The following CASK variants were observed in gnomAD, a reference collection of about 807,000 sequenced individuals.
CASK encodes calcium/calmodulin dependent serine protein kinase.
A neutral mutation model predicts 82.9 loss-of-function variants in CASK; 4 were observed. The observed-to-expected ratio is 0.05, with a 90% CI of 0.02 to 0.11. The LOEUF (loss-of-function observed/expected upper bound fraction) is 0.11. Ranked by LOEUF, CASK falls within the 10% of genes least tolerant of loss-of-function variation. The pLI is 1.00. For synonymous variants in CASK, 259 were observed against 253.5 expected, an observed-to-expected ratio of 1.02 and a Z score of -0.20; for missense variants, 358 against 720.9, an observed-to-expected ratio of 0.50 and a Z score of 5.76.
At chrX:41,701,099 G>C (rs1464019426) in intron 5 of CASK, among the ~76,000 whole-genome samples, 1 of 109,809 alleles carries the variant, frequency 9.1e-6, no homozygotes, top group African/African-American at 3.3e-5. Context: ...GCATCAGGAA[G>C]GAAGGGATGG....
intron 12 of CASK, among the ~76,000 whole-genome samples, chrX:41,595,387 T>G (rs755093121): frequency 1.8e-5 from 2 of 111,054 alleles, no homozygotes; most frequent in African/African-American, 6.5e-5. Flanking sequence ...GAAGATCACT[T>G]AAGCCCAGGA....
intron 2 of CASK, among the ~76,000 whole-genome samples, chrX:41,816,797 C>T (rs1274593374): frequency 9.0e-6 from 1 of 111,639 alleles, no homozygotes; most frequent in East Asian, 2.8e-4. Flanking sequence ...AACCAAACCT[C>T]ACTTAAGACG....
intron 9 of CASK, among the ~76,000 whole-genome samples, chrX:41,628,789 T>A (rs990604348): frequency 8.9e-6 from 1 of 112,159 alleles, no homozygotes; most frequent in African/African-American, 3.2e-5. Flanking sequence ...CAGTAGTGAA[T>A]GTTGAGTTCT....
At chrX:41,726,574 A>T (rs1315759777) in intron 5 of CASK, among the ~76,000 whole-genome samples, 1 of 112,323 alleles carries the variant, frequency 8.9e-6, no homozygotes, top group East Asian at 2.8e-4. Context: ...ACTCTCTATT[A>T]TTGTGGCCGC....
chrX:41,602,201 T>C (rs1156537444), intron 12 of CASK, among the ~76,000 whole-genome samples: 1 of 111,985 alleles, frequency 8.9e-6, no homozygotes, highest in Non-Finnish European at 1.9e-5. Flanking sequence ...TAGATCAATG[T>C]GGAGAAAAGC....
chrX:41,602,632 T>C (rs1417022663), intron 12 of CASK, among the ~76,000 whole-genome samples: 15 of 110,436 alleles, frequency 1.4e-4, no homozygotes, highest in Admixed American at 9.8e-4. Context: ...CAATGGTGAA[T>C]AGAAGTGGGG....
At chrX:41,534,649 T>C (rs2064850848) in intron 24 of CASK, 57 bp downstream of exon 24, 1 of 909,922 alleles carries the variant, frequency 1.1e-6, no homozygotes, top group African/African-American at 1.9e-5. Context: ...ACATAAATTA[T>C]AGAGTTAAAA....
chrX:41,861,016 TACTA>T (rs917358069), intron 1 of CASK, among the ~76,000 whole-genome samples: 3 of 112,416 alleles, frequency 2.7e-5, no homozygotes, highest in African/African-American at 9.7e-5. Flanking sequence ...GACTAGCATT[TACTA>T]ACTCAGTACT....
At chrX:41,522,666 G>C (rs2064653972) in intron 26 of CASK, among the ~76,000 whole-genome samples, 1 of 112,202 alleles carries the variant, frequency 8.9e-6, no homozygotes, top group South Asian at 3.7e-4. Flanking sequence ...AAAACCACTA[G>C]CAGGGTTTAT....
intron 26 of CASK, among the ~76,000 whole-genome samples, chrX:41,523,495 T>C (rs928284110): frequency 3.5e-5 from 4 of 112,813 alleles, no homozygotes; most frequent in African/African-American, 1.3e-4. Context: ...AGCAGACACA[T>C]GGTAAGTACC....
At chrX:41,782,922 A>C (rs571985723) in intron 3 of CASK, among the ~76,000 whole-genome samples, 7 of 111,892 alleles carry the variant, frequency 6.3e-5, no homozygotes, top group African/African-American at 2.3e-4. Flanking sequence ...AGGAGGGTTG[A>C]TCACTTGAGG....
chrX:41,762,866 G>T (rs1295239806), intron 3 of CASK, among the ~76,000 whole-genome samples: 1 of 111,111 alleles, frequency 9.0e-6, no homozygotes, highest in Admixed American at 9.6e-5. Context: ...TGCCTGTAAT[G>T]CCTCTCTCTT....
rs1361914181 is a variant in CASK, at chrX:41,772,477, T to C, written c.278+14701A>G. Among the ~76,000 whole-genome samples the C allele has an allele frequency of 7.4e-5, 8 of 108,513 alleles. No individual in the cohort carries two copies. In the Admixed American group the frequency reaches 8.0e-4, roughly 11 times the overall value. The allele number at this position is 108,513 out of a possible 115,157, so 94.2% of individuals were successfully genotyped here. A position where few individuals can be genotyped will look rare whatever the true frequency, so the allele number is the denominator to read the frequency against. On this transcript the variant is annotated intron_variant, in intron 3 of 26. Coordinates refer to ENST00000378163, the MANE Select transcript of CASK (RefSeq NM_001367721.1). ...AGGCACAAATTACCAGTATCAAGAA[T>C]GAAAAAGAAGACATGACTACAGAAC... is the stretch of plus-strand genomic sequence containing the variant.
intron 5 of CASK, among the ~76,000 whole-genome samples, chrX:41,701,759 TTCACATGCAA>T (rs1275628456): frequency 8.9e-6 from 1 of 112,319 alleles, no homozygotes; most frequent in Admixed American, 9.4e-5. Context: ...CCACTTCAAG[TTCACATGCAA>T]GGGAATGGGA....
intron 18 of CASK, chrX:41,558,716 C>T (rs1490491869): frequency 2.7e-5 from 3 of 110,857 alleles, no homozygotes; most frequent in South Asian, 7.9e-4. Context: ...GCTCAAGACC[C>T]GTTACAACGG....
intron 3 of CASK, among the ~76,000 whole-genome samples, chrX:41,750,759 G>T (rs1228635917): frequency 8.9e-6 from 1 of 112,259 alleles, no homozygotes. Flanking sequence ...GAGGCACAAG[G>T]TATTACTGGC....
At chrX:41,724,442 G>A (rs1323538895) in intron 5 of CASK, among the ~76,000 whole-genome samples, 1 of 112,512 alleles carries the variant, frequency 8.9e-6, no homozygotes, top group Non-Finnish European at 1.9e-5. Flanking sequence ...GTTAAGAGTT[G>A]TAGAACTTTT....
chrX:41,602,443 G>T (rs557883265), intron 12 of CASK, among the ~76,000 whole-genome samples: 6 of 111,140 alleles, frequency 5.4e-5, no homozygotes, highest in African/African-American at 2.0e-4. Context: ...TATTAATCTG[G>T]TATCTTGTGA....
chrX:41,673,852 T>G (rs1478924561), intron 5 of CASK, among the ~76,000 whole-genome samples: 7 of 102,000 alleles, frequency 6.9e-5, no homozygotes, highest in African/African-American at 2.2e-4. Flanking sequence ...TTTTTTTTTT[T>G]GCCTCCCATC....
Sources: allele counts gnomAD v4.1 joint callset (sites outside exome capture counted in the v4.1 genomes callset), GRCh38; gene constraint gnomAD v4.1.1; transcripts MANE v1.5; gene names NCBI Gene and HGNC (gene_info 2026-07-23, HGNC 2026-07-21).